PLXNA4: variants seen among roughly 807,000 people sequenced by gnomAD.
The protein encoded by PLXNA4 is plexin-A4.
A neutral mutation model predicts 191.8 loss-of-function variants in PLXNA4; 44 were observed. The ratio of observed to expected loss-of-function variants is 0.23; its 90% CI spans 0.18 to 0.29. PLXNA4 has a LOEUF of 0.29. Ranked by LOEUF, PLXNA4 falls within the 10% of genes least tolerant of loss-of-function variation. The pLI is 1.00. For missense variants in PLXNA4, 1,800 were observed against 2,488.8 expected, an observed-to-expected ratio of 0.72 and a Z score of 5.89; for synonymous variants, 1,082 against 1,009.5, an observed-to-expected ratio of 1.07 and a Z score of -1.36.
At chr7:132,359,106 A>G (rs1195440947) in intron 3 of PLXNA4, among the ~76,000 whole-genome samples, 1 of 151,894 alleles carries the variant, frequency 6.6e-6, no homozygotes, top group Admixed American at 6.6e-5. Context: ...GCAAATGGGT[A>G]CTACAAAGAG....
Position 132,261,694 on chromosome 7 carries a change from C to T in PLXNA4, c.1504-20528G>A, listed in dbSNP as rs560932757. 1.7e-3 allele frequency among the ~76,000 whole-genome samples: 257 copies of T among 152,320 alleles called. 2 individuals carry two copies. The highest frequency in any genetic ancestry group is 6.0e-3 in the African/African-American group (248 of 41,566). On this transcript the variant is annotated intron_variant, in intron 4 of 31. Coordinates refer to ENST00000321063, the MANE Select transcript of PLXNA4 (RefSeq NM_020911.2). ...AGCCCTTCAGGACCCGGGCAGCTGC[C>T]GGCCAGCCTCGAGCAGTCCACTAAA...
chr7:132,308,689 A>G (rs1458840404), intron 3 of PLXNA4, among the ~76,000 whole-genome samples: 2 of 152,178 alleles, frequency 1.3e-5, no homozygotes, highest in Non-Finnish European at 2.9e-5. Context: ...CCTCATATGA[A>G]AAACAGAAAT....
At chr7:132,167,430 T>C (rs1796155096) in intron 22 of PLXNA4, among the ~76,000 whole-genome samples, 1 of 152,222 alleles carries the variant, frequency 6.6e-6, no homozygotes, top group African/African-American at 2.4e-5. Flanking sequence ...CCTTCAGTGC[T>C]TCTCAAACTT....
intron 1 of PLXNA4, among the ~76,000 whole-genome samples, chr7:132,541,818 T>A (rs1800100206): frequency 6.6e-6 from 1 of 152,214 alleles, no homozygotes; most frequent in Admixed American, 6.5e-5. Flanking sequence ...CATTGGTGCA[T>A]CTGCTCAGAT....
At chr7:132,315,763 A>G (rs1326211781) in intron 3 of PLXNA4, among the ~76,000 whole-genome samples, 1 of 152,166 alleles carries the variant, frequency 6.6e-6, no homozygotes, top group African/African-American at 2.4e-5. Flanking sequence ...GTTAGGAGGA[A>G]TATGATTCAA....
chr7:132,633,707 C>T (rs1043632274), intron 2 of PLXNA4, among the ~76,000 whole-genome samples: 6 of 152,130 alleles, frequency 3.9e-5, no homozygotes, highest in African/African-American at 1.4e-4. Flanking sequence ...GTATTTTTCA[C>T]GTTTTTCCCC....
At chr7:132,455,319 C>T (rs560174167) in intron 3 of PLXNA4, among the ~76,000 whole-genome samples, 4 of 152,074 alleles carry the variant, frequency 2.6e-5, no homozygotes, top group East Asian at 1.9e-4. Context: ...TGGGGAGGGG[C>T]GCCTGGCTCT....
chr7:132,216,593 T>A (rs1252854200), intron 9 of PLXNA4, among the ~76,000 whole-genome samples: 1 of 152,218 alleles, frequency 6.6e-6, no homozygotes, highest in Non-Finnish European at 1.5e-5. Context: ...GGTACAAGCA[T>A]TCAATTCAGT....
chr7:132,329,218 C>G (rs946499929), intron 3 of PLXNA4, among the ~76,000 whole-genome samples: 1 of 152,218 alleles, frequency 6.6e-6, no homozygotes, highest in African/African-American at 2.4e-5. Context: ...TGCCCCCACT[C>G]CATGCCTTCC....
intron 30 of PLXNA4, among the ~76,000 whole-genome samples, chr7:132,137,037 T>C (rs889645729): frequency 1.3e-5 from 2 of 152,104 alleles, no homozygotes; most frequent in Admixed American, 1.3e-4. Flanking sequence ...TCAATGCATT[T>C]CAAGTACCCA....
chr7:132,527,349 A>G (rs868104054), intron 1 of PLXNA4, among the ~76,000 whole-genome samples: 8 of 152,006 alleles, frequency 5.3e-5, no homozygotes, highest in African/African-American at 1.9e-4. Context: ...ACCTCTCAGG[A>G]GCTACTCTCC....
chr7:132,492,852 T>G (rs1797858648), intron 2 of PLXNA4, among the ~76,000 whole-genome samples: 1 of 152,226 alleles, frequency 6.6e-6, no homozygotes, highest in African/African-American at 2.4e-5. Context: ...GTAAGATATT[T>G]CATGTTGATT....
At chr7:132,493,298 T>A (rs2117555510) in intron 2 of PLXNA4, among the ~76,000 whole-genome samples, 1 of 152,310 alleles carries the variant, frequency 6.6e-6, no homozygotes, top group East Asian at 1.9e-4. Flanking sequence ...GCCCTAGGCC[T>A]GGGGCTGGCC....
At chr7:132,378,574 C>T (rs1369320627) in intron 3 of PLXNA4, among the ~76,000 whole-genome samples, 1 of 152,192 alleles carries the variant, frequency 6.6e-6, no homozygotes, top group Admixed American at 6.5e-5. Flanking sequence ...AACTACCAGA[C>T]ATTCCAAGAA....
intron 4 of PLXNA4, among the ~76,000 whole-genome samples, chr7:132,289,748 G>A (rs1800817232): frequency 1.3e-5 from 2 of 151,976 alleles, no homozygotes; most frequent in South Asian, 2.1e-4. Context: ...GCCCAGGCTG[G>A]TCTCAAACTC....
At chr7:132,290,040 C>T (rs1800828454) in intron 4 of PLXNA4, among the ~76,000 whole-genome samples, 1 of 152,200 alleles carries the variant, frequency 6.6e-6, no homozygotes, top group African/African-American at 2.4e-5. Context: ...ACCTCCAGGC[C>T]CACCTCCTCA....
rs116351182 is a variant in PLXNA4 at position 132,333,283 on chromosome 7, A to G, written c.1372-35061T>C. 7.0e-3 allele frequency among the ~76,000 whole-genome samples: 1,065 copies of G among 152,276 alleles called. 12 individuals carry two copies. Among genetic ancestry groups the G allele is most frequent in the African/African-American group, 0.025 (1,027 of 41,546 alleles). On this transcript the variant is annotated intron_variant, in intron 3 of 31. Transcript: ENST00000321063. Reference sequence around the variant, plus strand: ...GGGCTTGTTGAGGGACTCCCACCCAATGACAATTTGGCACAGGTATGCAGA... The same window carrying G: ...GGGCTTGTTGAGGGACTCCCACCCAGTGACAATTTGGCACAGGTATGCAGA...
intron 3 of PLXNA4, among the ~76,000 whole-genome samples, chr7:132,322,184 C>CTTTTTTTTTTTTTTTTTTTTTTTTT (rs5887566): frequency 2.8e-4 from 34 of 122,484 alleles, no homozygotes; most frequent in Middle Eastern, 4.3e-3. Flanking sequence ...CCTAAAAGGG[C>CTTTTTTTTTTTTTTTTTTTTTTTTT]TTTTTTTTTT....
chr7:132,447,508 T>C (rs568258778), intron 3 of PLXNA4, among the ~76,000 whole-genome samples: 1 of 152,208 alleles, frequency 6.6e-6, no homozygotes, highest in South Asian at 2.1e-4. Flanking sequence ...GACTGAGAGA[T>C]AGAGGTGGGA....
Sources: gnomAD v4.1 joint callset for allele counts (sites outside exome capture counted in the v4.1 genomes callset) on GRCh38, gnomAD v4.1.1 for gene constraint, MANE v1.5 for transcripts, NCBI Gene and HGNC (gene_info 2026-07-23, HGNC 2026-07-21) for gene names.